Variants in LRP2 observed in about 807,000 individuals in gnomAD.
LRP2 encodes LDL receptor related protein 2, also known as low-density lipoprotein receptor-related protein 2.
LRP2 carries 172 observed loss-of-function variants against 531.0 expected under a neutral mutation model. The observed-to-expected ratio is 0.32, with a 90% confidence interval of 0.29 to 0.37. The LOEUF is 0.37. LRP2 is among the 10% of genes least tolerant of loss of function. LRP2 has a pLI of 1.00. For synonymous variants in LRP2, 1,992 were observed against 2,027.6 expected (o/e 0.98, Z 0.47); for missense variants, 5,167 against 5,868.3 (o/e 0.88, Z 3.90).
chr2:169,146,634 TA>T, intron 69 of LRP2, 104 bp downstream of exon 69: 1 of 944,754 alleles, frequency 1.1e-6, no homozygotes, highest in Non-Finnish European at 1.6e-6. Flanking sequence ...AAAAACTATA[TA>T]AGCCATTTCC....
chr2:169,338,404 G>GAAAGA (rs200025742), intron 1 of LRP2, among the ~76,000 whole-genome samples: 3,255 of 102,800 alleles, frequency 0.032, 55 homozygotes, highest in East Asian at 0.086. Flanking sequence ...AAGAAAGAAA[G>GAAAGA]AAAGAAAAGA....
At chr2:169,298,776 C>T (rs759534602) in intron 4 of LRP2, among the ~76,000 whole-genome samples, 3 of 151,750 alleles carry the variant, frequency 2.0e-5, no homozygotes, top group Non-Finnish European at 2.9e-5. Flanking sequence ...GGAAAAATAA[C>T]TTTCCAGAAG....
At chr2:169,335,380 A>G (rs1417689771) in intron 1 of LRP2, among the ~76,000 whole-genome samples, 1 of 152,264 alleles carries the variant, frequency 6.6e-6, no homozygotes, top group Non-Finnish European at 1.5e-5. Flanking sequence ...TATACTGTAC[A>G]TTAAACTTGG....
At position 169,212,138 on chromosome 2, in the gene LRP2, G is replaced by C; in HGVS notation, c.6110C>G (p.Pro2037Arg). 1 of 1,613,988 alleles carries C rather than the reference G, an allele frequency of 6.2e-7. No individual in the cohort carries two copies. The highest frequency in any genetic ancestry group is 1.1e-5 in the South Asian group (1 of 91,072). The change falls in exon 37 of 79, where the codon CCA becomes CGA. Residue 2037 changes from proline to arginine, a missense_variant. Around this residue, in one of 6 missense-constraint regions of LRP2, gnomAD observed 2,811 missense variants for 3,058.0 expected, o/e 0.92. Coordinates refer to ENST00000649046, the MANE Select transcript of LRP2 (RefSeq NM_004525.3). ...ACAGGCGCAGGAAAACAATCCTCCT[G>C]GTACAGGCAGGCAAATCTGCTGACA... ...NACQQICLPV[P>R]GGLFSCACAT... is the part of the protein sequence containing the mutation.
chr2:169,299,159 A>AG (rs1684222689), intron 4 of LRP2, among the ~76,000 whole-genome samples: 4 of 6,576 alleles, frequency 6.1e-4, no homozygotes, highest in African/African-American at 7.6e-4. Flanking sequence ...AAGAAAGAAA[A>AG]AAAGAAAGAA....
At chr2:169,170,921 GTTTTTTT>G (rs57451386) in intron 58 of LRP2, among the ~76,000 whole-genome samples, 3 of 91,846 alleles carry the variant, frequency 3.3e-5, no homozygotes, top group East Asian at 3.3e-4. Flanking sequence ...CTCTCTCTCT[GTTTTTTT>G]TTTTTTTTTT....
chr2:169,145,908 C>T lies in LRP2; in HGVS notation c.12827G>A (p.Ser4276Asn). ...TAACTGGTCTTCAAAGATGTCCAGG[C>T]TGTAAGGGTTCATTGCTGCTTACCC... The part of the protein sequence containing the change: ...VIAKEAMNPY[S>N]LDIFEDQLYW... The change falls in exon 70 of 79, where the codon AGC becomes AAC. Residue 4276 changes from serine to asparagine, a missense_variant. By Grantham distance (46) the Ser-to-Asn change is conservative. Transcript: ENST00000649046. The T allele has an allele frequency of 6.2e-7, 1 of 1,614,060 alleles. No homozygotes were observed. Among genetic ancestry groups the T allele is most frequent in the East Asian group, 2.2e-5 (1 of 44,854 alleles).
Position 169,233,424 on chromosome 2 carries a change from C to T in LRP2, c.5085G>A (p.Ser1695=), listed in dbSNP as rs145384264. 24,214 of 1,614,094 alleles carry T rather than the reference C, an allele frequency of 0.015. 254 individuals are homozygous for T. Among genetic ancestry groups the T allele is most frequent in the Non-Finnish European group, 0.019 (21,886 of 1,179,982 alleles). ...WPLGIVAVHP[S]KQPNSVNPCA... Reference sequence around the variant, plus strand: ...TGTATCACTCACAATTTGGTTGTTTCGAAGGATGAACCGCAACAATCCCAA... The same window carrying T: ...TGTATCACTCACAATTTGGTTGTTTTGAAGGATGAACCGCAACAATCCCAA... The change falls in exon 30 of 79, where the codon TCG becomes TCA. Residue 1695 remains serine, a synonymous_variant. Coordinates refer to ENST00000649046, the MANE Select transcript of LRP2 (RefSeq NM_004525.3).
At chr2:169,157,957 T>TAAATAAAA (rs568534822) in intron 63 of LRP2, among the ~76,000 whole-genome samples, 18,423 of 145,840 alleles carry the variant, frequency 0.13, 1,254 homozygotes, top group South Asian at 0.22. Flanking sequence ...AATAAATAAA[T>TAAATAAAA]AAAAGACATG....
intron 24 of LRP2, among the ~76,000 whole-genome samples, chr2:169,242,708 T>G (rs1049182671): frequency 1.3e-5 from 2 of 152,176 alleles, no homozygotes; most frequent in Non-Finnish European, 1.5e-5. Context: ...AACAAAAATA[T>G]CTAAGAAATA....
intron 63 of LRP2, among the ~76,000 whole-genome samples, chr2:169,161,380 T>G (rs1250119368): frequency 6.6e-6 from 1 of 152,224 alleles, no homozygotes; most frequent in Non-Finnish European, 1.5e-5. Context: ...TTTTAACATT[T>G]CCATCAAAAT....
chr2:169,314,027 T>C (rs1684691690), intron 3 of LRP2, among the ~76,000 whole-genome samples: 1 of 152,212 alleles, frequency 6.6e-6, no homozygotes, highest in African/African-American at 2.4e-5. Context: ...ATATTTAGGT[T>C]CAGCAAAACT....
intron 63 of LRP2, among the ~76,000 whole-genome samples, chr2:169,158,434 T>G (rs941868845): frequency 6.6e-6 from 1 of 152,074 alleles, no homozygotes; most frequent in African/African-American, 2.4e-5. Flanking sequence ...ACATTAATGA[T>G]GCACCATTAC....
At chr2:169,301,678 A>T (rs1163429215) in intron 4 of LRP2, among the ~76,000 whole-genome samples, 1 of 152,052 alleles carries the variant, frequency 6.6e-6, no homozygotes, top group East Asian at 1.9e-4. Flanking sequence ...TGAGACCCTA[A>T]TATCCTCCCC....
chr2:169,323,853 TAA>T (rs11333901), intron 1 of LRP2, among the ~76,000 whole-genome samples: 30,462 of 147,750 alleles, frequency 0.21, 3,462 homozygotes, highest in African/African-American at 0.32. Flanking sequence ...GCTGCCTGAT[TAA>T]AAAAAAAAAA....
At position 169,230,013 on chromosome 2, in the gene LRP2, CTGAAA is replaced by C. The variant is rs147705405; in HGVS notation, c.5227+1696_5227+1700del. Among the ~76,000 whole-genome samples the C allele has an allele frequency of 3.3e-3, 509 of 152,304 alleles. 1 individual carries two copies. The highest frequency in any genetic ancestry group is 0.012 in the African/African-American group (491 of 41,566). ...GGCAATCAGTTACTCAGCTGGTGCT[CTGAAA>C]CCTACTGGGAAATACTTAAAAAGTT... On this transcript the variant is annotated intron_variant, in intron 31 of 78. Transcript: ENST00000649046.
chr2:169,297,689 G>T (rs771405473), intron 4 of LRP2, among the ~76,000 whole-genome samples: 5 of 152,022 alleles, frequency 3.3e-5, no homozygotes, highest in Non-Finnish European at 7.4e-5. Context: ...TTAATGATTT[G>T]GTTTGAAGCA....
intron 77 of LRP2, among the ~76,000 whole-genome samples, chr2:169,130,898 G>C (rs1481504042): frequency 6.6e-6 from 1 of 152,118 alleles, no homozygotes; most frequent in African/African-American, 2.4e-5. Context: ...GAAAGAGACT[G>C]TCAGTTTACA....
chr2:169,290,102 T>A (rs1421678439), intron 8 of LRP2, among the ~76,000 whole-genome samples: 2 of 151,838 alleles, frequency 1.3e-5, no homozygotes, highest in African/African-American at 4.8e-5. Context: ...GTGGGGTGAA[T>A]ATTCTACAGC....
Sources: gnomAD v4.1 joint callset for allele counts (sites outside exome capture counted in the v4.1 genomes callset) on GRCh38, gnomAD v4.1.1 for gene constraint, gnomAD v4.1.1 regional missense constraint, MANE v1.5 for transcripts, NCBI Gene and HGNC (gene_info 2026-07-23, HGNC 2026-07-21) for gene names.